TIE1: variants seen among roughly 807,000 people sequenced by gnomAD.
The protein encoded by TIE1 is tyrosine-protein kinase receptor Tie-1.
TIE1 carries 89 observed loss-of-function variants against 130.5 expected under a neutral mutation model. The ratio of observed to expected loss-of-function variants is 0.68; its 90% CI spans 0.57 to 0.81. TIE1 has a LOEUF of 0.81. TIE1 is among the 40% of genes least tolerant of loss of function. The pLI, the probability that TIE1 is intolerant of heterozygous loss-of-function variation, is 0.00. For missense variants in TIE1, 1,392 were observed against 1,559.8 expected (o/e 0.89, Z 1.81); for synonymous variants, 568 against 629.4 (o/e 0.90, Z 1.46).
At position 43,307,368 on chromosome 1, in the gene TIE1, G is replaced by T. The variant is rs200973888; in HGVS notation, c.773-64G>T. On this transcript the variant is annotated intron_variant, in intron 5 of 22. Coordinates refer to ENST00000372476, the MANE Select transcript of TIE1 (RefSeq NM_005424.5). This position sits in a 1 kb window ranked among gnomAD's most constrained non-coding sequence, Gnocchi z 5.4. ...TGGGTGGAGCTTGGAGGGTAAGGGC[G>T]ACAGGCAGGTCCTGGGCCCAGGGGC... The T allele has an allele frequency of 2.6e-5, 42 of 1,611,134 alleles. No individual in the cohort carries two copies. The highest frequency in any genetic ancestry group is 3.5e-5 in the Non-Finnish European group (41 of 1,178,250).
chr1:43,317,384 G>T lies in TIE1; in HGVS notation c.2595G>T (p.Met865Ile), dbSNP rs1294138517. ...RAMIKKDGLK[M>I]NAAIKMLKEY... ...TGATCAAGAAGGACGGGCTGAAGATGAACGCAGCCATCAAAATGCTGAAAG... is the reference window on the plus strand; with the variant it reads ...TGATCAAGAAGGACGGGCTGAAGATTAACGCAGCCATCAAAATGCTGAAAG... The change falls in exon 15 of 23, where the codon ATG (methionine) becomes ATT (isoleucine). Residue 865 changes from methionine (M) to isoleucine (I), a missense_variant. Physicochemically the swap from Met to Ile is conservative, Grantham distance 10. Coordinates refer to ENST00000372476, the MANE Select transcript of TIE1 (RefSeq NM_005424.5). The surrounding 1 kb of genome is among the most constrained non-coding windows in gnomAD (Gnocchi z 5.1). 1 of 1,613,958 alleles carries T rather than the reference G, an allele frequency of 6.2e-7. No individual in the cohort carries two copies. Among genetic ancestry groups the T allele is most frequent in the East Asian group, 2.2e-5 (1 of 44,870 alleles).
intron 7 of TIE1, among the ~76,000 whole-genome samples, 189 bp downstream of exon 7, chr1:43,308,113 G>A (rs1436570715): frequency 6.6e-6 from 1 of 152,188 alleles, no homozygotes; most frequent in Non-Finnish European, 1.5e-5. Context: ...GTCCAGCAGG[G>A]AGCCAGTCCA....
chr1:43,307,103 G>A lies in TIE1; in HGVS notation c.641-39G>A. ...CTGGATCTCCAGTCCTCAGTGGTCAGGTGGGTGAGGGTCAGCTGCTGAAGA... is the reference window on the plus strand; with the variant it reads ...CTGGATCTCCAGTCCTCAGTGGTCAAGTGGGTGAGGGTCAGCTGCTGAAGA... On this transcript the variant is annotated intron_variant, in intron 4 of 22. Transcript: ENST00000372476. This position sits in a 1 kb window ranked among gnomAD's most constrained non-coding sequence, Gnocchi z 5.4. 1 of 1,613,770 alleles carries A rather than the reference G, an allele frequency of 6.2e-7. No homozygotes were observed. The highest frequency in any genetic ancestry group is 8.5e-7 in the Non-Finnish European group (1 of 1,179,940).
chr1:43,313,964 G>A lies in TIE1; in HGVS notation c.2405G>A (p.Gly802Asp), dbSNP rs762546769. ...AGACGCACCTTCACCTACCAGTCAGGCTCGGTCAGTGACCCGCCCCGCCCC... is the reference window on the plus strand; with the variant it reads ...AGACGCACCTTCACCTACCAGTCAGACTCGGTCAGTGACCCGCCCCGCCCC... ...HRRRTFTYQS[G>D]SGEETILQFS... is the part of the protein sequence containing the mutation. The change falls in exon 14 of 23, where the codon GGC becomes GAC. Residue 802 changes from glycine (G) to aspartate (D), a missense_variant. By Grantham distance (94) the Gly-to-Asp change is moderately conservative. This residue lies in a region of TIE1 where 286 missense variants were observed against 354.4 expected (regional missense o/e 0.81). Transcript: ENST00000372476. This position sits in a 1 kb window ranked among gnomAD's most constrained non-coding sequence, Gnocchi z 6.2. 5.6e-6 allele frequency: 9 copies of A among 1,614,042 alleles called. No individual in the cohort carries two copies. Among genetic ancestry groups the A allele is most frequent in the South Asian group, 2.2e-5 (2 of 91,082 alleles).
chr1:43,307,390 G>T lies in TIE1; in HGVS notation c.773-42G>T. ...GGCGACAGGCAGGTCCTGGGCCCAG[G>T]GGCCCACAGAGGCCCATACACCCCA... On this transcript the variant is annotated intron_variant, in intron 5 of 22. Transcript: ENST00000372476. This position sits in a 1 kb window ranked among gnomAD's most constrained non-coding sequence, Gnocchi z 5.4. 6.2e-7 allele frequency: 1 copy of T among 1,612,512 alleles called. No homozygotes were observed. Among genetic ancestry groups the T allele is most frequent in the Non-Finnish European group, 8.5e-7 (1 of 1,179,090 alleles).
In TIE1 at chr1:43,317,985, T is replaced by G. The variant is rs1180650643; in HGVS notation, c.2835T>G (p.His945Gln). Residue 945 changes from histidine (H) to glutamine (Q), a missense_variant, in exon 17 of 23, where the codon CAT becomes CAG. His to Gln is a conservative substitution (Grantham distance 24). Transcript: ENST00000372476. The surrounding 1 kb of genome is among the most constrained non-coding windows in gnomAD (Gnocchi z 5.1). ...CTGACCCAGCTTTTGCTCGAGAGCA[T>G]GGGACAGCCTCTACCCTTAGCTCCC... Reference protein sequence around the residue: ...LETDPAFAREHGTASTLSSRQ... With the variant: ...LETDPAFAREQGTASTLSSRQ... 6.2e-7 allele frequency: 1 copy of G among 1,611,012 alleles called. No individual in the cohort carries two copies. Among genetic ancestry groups the G allele is most frequent in the East Asian group, 2.2e-5 (1 of 44,876 alleles).
rs774536078 is a variant in TIE1 at position 43,304,869 on chromosome 1, C to T, written c.77C>T (p.Thr26Met). 2.1e-6 allele frequency: 3 copies of T among 1,423,152 alleles called. No homozygotes were observed. The highest frequency in any genetic ancestry group is 2.7e-6 in the Non-Finnish European group (3 of 1,094,574). The allele number at this position is 1,423,152 out of a possible 1,614,324, so 88.2% of individuals were successfully genotyped here. A position where few individuals can be genotyped will look rare whatever the true frequency, so the allele number is the denominator to read the frequency against. The change falls in exon 2 of 23, where the codon ACG (threonine) becomes ATG (methionine). Residue 26 changes from threonine to methionine, a missense_variant. Thr to Met is a moderately conservative substitution (Grantham distance 81, BLOSUM62 -1). Coordinates refer to ENST00000372476, the MANE Select transcript of TIE1 (RefSeq NM_005424.5). ...GCCCCAGGCGCGGCGGTGGACCTGA[C>T]GCTGCTGGCCAACCTGCGGCTCACG... is the stretch of plus-strand genomic sequence containing the variant. Reference protein sequence around the residue: ...ASHVGAAVDLTLLANLRLTDP... With the variant: ...ASHVGAAVDLMLLANLRLTDP...
chr1:43,319,310 C>A lies in TIE1; in HGVS notation c.2998C>A (p.Leu1000Ile), dbSNP rs767976305. 6.2e-7 allele frequency: 1 copy of A among 1,614,076 alleles called. No homozygotes were observed. Among genetic ancestry groups the A allele is most frequent in the South Asian group, 1.1e-5 (1 of 91,064 alleles). Residue 1000 changes from leucine to isoleucine, a missense_variant, in exon 18 of 23, where the codon CTT (leucine) becomes ATT (isoleucine). Leu to Ile is a conservative substitution (Grantham distance 5, BLOSUM62 2). This residue lies in a region of TIE1 where 286 missense variants were observed against 354.4 expected (regional missense o/e 0.81). Transcript: ENST00000372476. This position sits in a 1 kb window ranked among gnomAD's most constrained non-coding sequence, Gnocchi z 4.7. ...AGCCTCCAAGATTGCAGACTTCGGC[C>A]TTTCTCGGGGAGAGGAGGTTTATGT... ...NLASKIADFGLSRGEEVYVKK... is the reference protein window; with the variant it reads ...NLASKIADFGISRGEEVYVKK...
chr1:43,307,365 G>A lies in TIE1; in HGVS notation c.773-67G>A. The A allele has an allele frequency of 6.2e-7, 1 of 1,611,348 alleles. No individual in the cohort carries two copies. The highest frequency in any genetic ancestry group is 8.5e-7 in the Non-Finnish European group (1 of 1,178,272). On this transcript the variant is annotated intron_variant, in intron 5 of 22. Coordinates refer to ENST00000372476, the MANE Select transcript of TIE1 (RefSeq NM_005424.5). The surrounding 1 kb of genome is among the most constrained non-coding windows in gnomAD (Gnocchi z 5.4). ...ATGTGGGTGGAGCTTGGAGGGTAAG[G>A]GCGACAGGCAGGTCCTGGGCCCAGG...
chr1:43,318,190 T>G lies in TIE1; in HGVS notation c.2922+118T>G. Reference sequence around the variant, plus strand: ...GATTGAGGTTCCTGGCCCAAGTGTGTGGGTGGGTGCAAGCACAGCGAGGAG... The same window carrying G: ...GATTGAGGTTCCTGGCCCAAGTGTGGGGGTGGGTGCAAGCACAGCGAGGAG... On this transcript the variant is annotated intron_variant, in intron 17 of 22. Transcript: ENST00000372476. This position sits in a 1 kb window ranked among gnomAD's most constrained non-coding sequence, Gnocchi z 4.4. 7.7e-7 allele frequency: 1 copy of G among 1,304,336 alleles called. No homozygotes were observed. The highest frequency in any genetic ancestry group is 1.5e-5 in the South Asian group (1 of 66,302). 80.8% of individuals were successfully genotyped at this position (1,304,336 alleles called of 1,614,324 possible). A position where few individuals can be genotyped will look rare whatever the true frequency, so the allele number is the denominator to read the frequency against.
In TIE1 at chr1:43,309,522, C is replaced by T. The variant is rs1322558107; in HGVS notation, c.1323C>T (p.Val441=). 6.3e-7 allele frequency: 1 copy of T among 1,586,930 alleles called. No individual in the cohort carries two copies. The highest frequency in any genetic ancestry group is 2.2e-5 in the East Asian group (1 of 44,788). ...GCCAAGACAGCCGGCGCTTCAAGGT[C>T]AATGTGAAAGGTCAGTGATGTCCTA... is the stretch of plus-strand genomic sequence containing the variant. The part of the protein sequence containing the change: ...SGGQDSRRFK[V]NVKVPPVPLA... The change falls in exon 9 of 23, where the codon GTC becomes GTT. Residue 441 remains valine, a synonymous_variant. Coordinates refer to ENST00000372476, the MANE Select transcript of TIE1 (RefSeq NM_005424.5). The surrounding 1 kb of genome is among the most constrained non-coding windows in gnomAD (Gnocchi z 6.3).
chr1:43,310,223 T>C (rs932019403), intron 9 of TIE1, among the ~76,000 whole-genome samples: 2 of 152,088 alleles, frequency 1.3e-5, no homozygotes, highest in South Asian at 2.1e-4. Flanking sequence ...GCCATCTCCC[T>C]ATCCCGTGAC....
At chr1:43,320,031 G>T in intron 19 of TIE1, 1 of 191,512 alleles carries the variant, frequency 5.2e-6, no homozygotes, top group Non-Finnish European at 1.1e-5. Flanking sequence ...CAAGCCCTTT[G>T]GCCTTGCCTG....
rs757772998 is a variant in TIE1 at position 43,312,539 on chromosome 1, T to C, written c.1865T>C (p.Leu622Pro). 4.3e-5 allele frequency: 69 copies of C among 1,613,416 alleles called. No individual in the cohort carries two copies. Among genetic ancestry groups the C allele is most frequent in the Non-Finnish European group, 5.3e-5 (62 of 1,179,890 alleles). ...ACCCACTACCAGCTGGATGTGCAGCTCTACCACTGCACCCTCCTGGGCCCG... is the reference window on the plus strand; with the variant it reads ...ACCCACTACCAGCTGGATGTGCAGCCCTACCACTGCACCCTCCTGGGCCCG... Reference protein sequence around the residue: ...PGTHYQLDVQLYHCTLLGPAS... With the variant: ...PGTHYQLDVQPYHCTLLGPAS... Residue 622 changes from leucine to proline, a missense_variant, in exon 12 of 23, where the codon CTC becomes CCC. Physicochemically the swap from Leu to Pro is moderately conservative, Grantham distance 98. Transcript: ENST00000372476. This position sits in a 1 kb window ranked among gnomAD's most constrained non-coding sequence, Gnocchi z 5.6.
intron 1 of TIE1, among the ~76,000 whole-genome samples, chr1:43,302,857 G>C (rs149475101): frequency 7.6e-4 from 115 of 152,148 alleles, no homozygotes; most frequent in African/African-American, 2.0e-3. Context: ...AGGCAGGCTG[G>C]GGGGGTGGGG....
chr1:43,321,055 C>CAAAAA, intron 19 of TIE1, among the ~76,000 whole-genome samples: 1 of 121,246 alleles, frequency 8.2e-6, no homozygotes, highest in Non-Finnish European at 1.7e-5. Context: ...AAAAAAAAAA[C>CAAAAA]AAAACAAAAG....
At position 43,306,992 on chromosome 1, in the gene TIE1, C is replaced by G. The variant is rs573341875; in HGVS notation, c.637C>G (p.Arg213Gly). The change falls in exon 4 of 23, where the codon CGG (arginine) becomes GGG (glycine). Residue 213 changes from arginine to glycine, a missense_variant. Around this residue, in one of 6 missense-constraint regions of TIE1, gnomAD observed 415 missense variants for 424.8 expected, o/e 0.98. Coordinates refer to ENST00000372476, the MANE Select transcript of TIE1 (RefSeq NM_005424.5). The surrounding 1 kb of genome is among the most constrained non-coding windows in gnomAD (Gnocchi z 4.9). ...CAGCGCCTTCTTTCGGCTCATCGTG[C>G]GGGGTCAGAGGCAGAGGGCAGAGGT... is the stretch of plus-strand genomic sequence containing the variant. ...LGSAFFRLIV[R>G]GCGAGRWGPG... The G allele has an allele frequency of 4.3e-6, 7 of 1,613,736 alleles. No homozygotes were observed. Among genetic ancestry groups the G allele is most frequent in the Non-Finnish European group, 5.9e-6 (7 of 1,179,992 alleles).
chr1:43,314,223 G>T, intron 14 of TIE1: 1 of 693,836 alleles, frequency 1.4e-6, no homozygotes, highest in Non-Finnish European at 2.2e-6. Context: ...AGAATTCCGT[G>T]ATGACCATAT....
Position 43,305,342 on chromosome 1 carries a change from C to T in TIE1, c.483C>T (p.Asn161=), listed in dbSNP as rs201801618. The T allele has an allele frequency of 3.8e-4, 565 of 1,494,268 alleles. 1 individual carries two copies. In the African/African-American group the frequency reaches 9.6e-3, roughly 25 times the overall value. The allele number at this position is 1,494,268 out of a possible 1,614,324, so 92.6% of individuals were successfully genotyped here. The change falls in exon 3 of 23, where the codon AAC becomes AAT. Residue 161 remains asparagine (N), a splice_region_variant and synonymous_variant. Coordinates refer to ENST00000372476, the MANE Select transcript of TIE1 (RefSeq NM_005424.5). The part of the protein sequence containing the change: ...EKQTDVIWKS[N]GSYFYTLDWH... ...AGACAGACGTGATCTGGAAGAGCAACGGTAAAGAGGGGCATTTGAACTGGT... is the reference window on the plus strand; with the variant it reads ...AGACAGACGTGATCTGGAAGAGCAATGGTAAAGAGGGGCATTTGAACTGGT...
Sources: gnomAD v4.1 joint callset for allele counts (sites outside exome capture counted in the v4.1 genomes callset) on GRCh38, gnomAD v4.1.1 for gene constraint, gnomAD v4.1.1 regional missense constraint, Gnocchi (gnomAD v3.1) non-coding constraint, MANE v1.5 for transcripts, NCBI Gene and HGNC (gene_info 2026-07-23, HGNC 2026-07-21) for gene names.